PPP4R3B: variants seen among roughly 807,000 people sequenced by gnomAD.
The protein encoded by PPP4R3B is protein phosphatase 4 regulatory subunit 3B.
Under a neutral mutation model 95.4 loss-of-function variants are expected in PPP4R3B, and 52 were observed. That is an observed-to-expected ratio of 0.54 (90% CI 0.44 to 0.69). The LOEUF is 0.69. Among genes scored for constraint, PPP4R3B ranks in the 30% least tolerant of loss-of-function variants. The pLI is 0.00. For missense variants in PPP4R3B, 1,003 were observed against 1,005.9 expected, an observed-to-expected ratio of 1.00 and a Z score of 0.04; for synonymous variants, 407 against 343.9, an observed-to-expected ratio of 1.18 and a Z score of -2.03.
chr2:55,600,008 T>A (rs1440378932), intron 3 of PPP4R3B, among the ~76,000 whole-genome samples: 1 of 152,252 alleles, frequency 6.6e-6, no homozygotes, highest in Admixed American at 6.5e-5. Flanking sequence ...ATAAAAATTA[T>A]CTTTGCTCTT....
At chr2:55,556,083 A>G (rs1685813379) in intron 16 of PPP4R3B, among the ~76,000 whole-genome samples, 1 of 152,250 alleles carries the variant, frequency 6.6e-6, no homozygotes, top group African/African-American at 2.4e-5. Context: ...GAAACTGGCT[A>G]AACCAAAGGG....
At chr2:55,558,126 C>T (rs1574673417) in intron 16 of PPP4R3B, among the ~76,000 whole-genome samples, 1 of 152,092 alleles carries the variant, frequency 6.6e-6, no homozygotes, top group Admixed American at 6.5e-5. Flanking sequence ...CAATTGGCCA[C>T]GCACACTCAT....
At chr2:55,609,019 G>C (rs1693802507) in intron 2 of PPP4R3B, among the ~76,000 whole-genome samples, 1 of 152,092 alleles carries the variant, frequency 6.6e-6, no homozygotes, top group Admixed American at 6.6e-5. Flanking sequence ...AAAAGATAGT[G>C]ACCAGCCAGA....
chr2:55,567,388 C>T (rs1687446096), intron 13 of PPP4R3B, among the ~76,000 whole-genome samples: 1 of 152,040 alleles, frequency 6.6e-6, no homozygotes, highest in Non-Finnish European at 1.5e-5. Flanking sequence ...TCCATCCTAC[C>T]TTTTATGCAT....
At chr2:55,608,964 T>C (rs1249915669) in intron 2 of PPP4R3B, among the ~76,000 whole-genome samples, 1 of 151,982 alleles carries the variant, frequency 6.6e-6, no homozygotes, top group Admixed American at 6.6e-5. Flanking sequence ...TGGGAGACAG[T>C]CTCATCTCAA....
chr2:55,610,807 G>T (rs1694058875), intron 2 of PPP4R3B, among the ~76,000 whole-genome samples: 1 of 150,550 alleles, frequency 6.6e-6, no homozygotes, highest in Non-Finnish European at 1.5e-5. Flanking sequence ...CTGCAATGAG[G>T]ATTTTCTTAA....
chr2:55,552,701 A>T (rs1427899882), intron 16 of PPP4R3B, among the ~76,000 whole-genome samples: 3 of 152,134 alleles, frequency 2.0e-5, no homozygotes, highest in Non-Finnish European at 2.9e-5. Context: ...TAATTCCTGA[A>T]TTTCTGGTTG....
In PPP4R3B at chr2:55,582,728, A is replaced by G. The variant is rs1689601829; in HGVS notation, c.1234-1030T>C. Among the ~76,000 whole-genome samples the G allele has an allele frequency of 2.0e-5, 3 of 152,204 alleles. No homozygotes were observed. In the South Asian group the frequency reaches 6.2e-4, roughly 31 times the overall value. On this transcript the variant is annotated intron_variant, in intron 7 of 16. Coordinates refer to ENST00000616407, the MANE Select transcript of PPP4R3B (RefSeq NM_001122964.3). ...TGGATTCAGTAAACGAGAGGAGAGC[A>G]TAAATCTTTAAAATATAAGGATTCT...
At chr2:55,606,715 C>A (rs1427701041) in intron 2 of PPP4R3B, among the ~76,000 whole-genome samples, 1 of 150,114 alleles carries the variant, frequency 6.7e-6, no homozygotes, top group Non-Finnish European at 1.5e-5. Context: ...CCCAACTACT[C>A]GGGAGGCTGA....
chr2:55,554,406 T>C (rs906498415), intron 16 of PPP4R3B, among the ~76,000 whole-genome samples: 2 of 152,248 alleles, frequency 1.3e-5, no homozygotes, highest in Admixed American at 6.5e-5. Context: ...TTTACATTCT[T>C]ACCAACACTT....
At chr2:55,573,110 C>T (rs186854907) in intron 12 of PPP4R3B, among the ~76,000 whole-genome samples, 1 of 152,224 alleles carries the variant, frequency 6.6e-6, no homozygotes, top group African/African-American at 2.4e-5. Context: ...GGGAGATTAA[C>T]ATTTTCTCTA....
At position 55,617,356 on chromosome 2, in the gene PPP4R3B, A is replaced by G. The variant is rs1289737903; in HGVS notation, c.-71T>C. 12 of 1,452,270 alleles carry G rather than the reference A, an allele frequency of 8.3e-6. No individual in the cohort carries two copies. The highest frequency in any genetic ancestry group is 1.1e-5 in the Non-Finnish European group (12 of 1,095,804). The allele number at this position is 1,452,270 out of a possible 1,614,324, so 90.0% of individuals were successfully genotyped here. A position where few individuals can be genotyped will look rare whatever the true frequency, so the allele number is the denominator to read the frequency against. On this transcript the variant is annotated 5_prime_UTR_variant, in exon 1 of 17. Coordinates refer to ENST00000616407, the MANE Select transcript of PPP4R3B (RefSeq NM_001122964.3). ...CTCGTCCGCGCTCCTCACTCTTAGG[A>G]GACGGTAAAGGCAGTAGTGGCGGTG...
At chr2:55,598,267 C>A in intron 4 of PPP4R3B, 149 bp downstream of exon 4, 1 of 803,386 alleles carries the variant, frequency 1.2e-6, no homozygotes, top group Non-Finnish European at 1.9e-6. Context: ...CATAAAGTCC[C>A]AATTTCTTTT....
chr2:55,578,101 T>C (rs1425335453), intron 10 of PPP4R3B, 146 bp downstream of exon 10: 1 of 805,732 alleles, frequency 1.2e-6, no homozygotes. Flanking sequence ...ATCTCAAAAA[T>C]AACACTGGAT....
rs1347984658 is a variant in PPP4R3B, at chr2:55,578,270, G to A, written c.1541C>T (p.Thr514Ile). ...ACCTTGAGAGATGGAGGAAGAGGGG[G>A]TAGAATGGGAATGGGAATGTGAAGG... ...CTPSHSHSHSTPSSSISQDNI... is the reference protein window; with the variant it reads ...CTPSHSHSHSIPSSSISQDNI... Residue 514 changes from threonine (T) to isoleucine (I), a missense_variant, in exon 10 of 17, where the codon ACC becomes ATC. Transcript: ENST00000616407. 6.8e-7 allele frequency: 1 copy of A among 1,477,276 alleles called. No individual in the cohort carries two copies. Among genetic ancestry groups the A allele is most frequent in the South Asian group, 1.5e-5 (1 of 67,312 alleles). The allele number at this position is 1,477,276 out of a possible 1,614,324, so 91.5% of individuals were successfully genotyped here. A position where few individuals can be genotyped will look rare whatever the true frequency, so the allele number is the denominator to read the frequency against.
intron 7 of PPP4R3B, among the ~76,000 whole-genome samples, chr2:55,583,400 C>G (rs932792267): frequency 6.6e-6 from 1 of 151,948 alleles, no homozygotes; most frequent in Non-Finnish European, 1.5e-5. Flanking sequence ...GATCTTTTCA[C>G]AGTGAAAAAA....
chr2:55,602,189 A>C (rs562359274), intron 3 of PPP4R3B, among the ~76,000 whole-genome samples: 24 of 152,300 alleles, frequency 1.6e-4, no homozygotes, highest in African/African-American at 5.8e-4. Flanking sequence ...TGTTTCTTTA[A>C]ACCTAGCTCT....
intron 13 of PPP4R3B, among the ~76,000 whole-genome samples, chr2:55,565,303 AT>A (rs1170867548): frequency 7.8e-6 from 1 of 128,888 alleles, no homozygotes. Flanking sequence ...TACATCTTCT[AT>A]TTTTTGTATA....
intron 9 of PPP4R3B, among the ~76,000 whole-genome samples, chr2:55,579,064 A>G (rs1689086364): frequency 2.0e-5 from 3 of 152,140 alleles, no homozygotes; most frequent in African/African-American, 7.2e-5. Context: ...AGAGGGATAT[A>G]CTAAAACCAA....
Sources: allele counts gnomAD v4.1 joint callset (sites outside exome capture counted in the v4.1 genomes callset), GRCh38; gene constraint gnomAD v4.1.1; transcripts MANE v1.5; gene names NCBI Gene and HGNC (gene_info 2026-07-23, HGNC 2026-07-21).